The following HCAR1 variants were observed in gnomAD, a reference collection of about 807,000 sequenced individuals.
HCAR1 encodes G protein-coupled receptor 104.
For synonymous variants in HCAR1, 183 were observed against 182.1 expected, an observed-to-expected ratio of 1.01 and a Z score of -0.04; for missense variants, 445 against 448.7, an observed-to-expected ratio of 0.99 and a Z score of 0.07.
rs201612647 is a variant in HCAR1 at position 122,729,934 on chromosome 12, C to T, written c.406G>A (p.Val136Ile). The stretch of plus-strand genomic sequence containing the variant: ...ATGACCAGGGCCCACAGGGTGCAGA[C>T]GATGCCAGCCGCCACCCGGGTGGAG... ...TISTRVAAGIVCTLWALVILG... is the reference protein window; with the variant it reads ...TISTRVAAGIICTLWALVILG... Residue 136 changes from valine to isoleucine, a missense_variant, in exon 1 of 1, where the codon GTC becomes ATC. Val to Ile is a conservative substitution (Grantham distance 29). Coordinates refer to ENST00000432564, the MANE Select transcript of HCAR1 (RefSeq NM_032554.4). 58 of 1,613,042 alleles carry T rather than the reference C, an allele frequency of 3.6e-5. No homozygotes were observed. The highest frequency in any genetic ancestry group is 4.7e-5 in the Non-Finnish European group (55 of 1,179,452).
In HCAR1 at chr12:122,730,230, A is replaced by T. The variant is rs763385168; in HGVS notation, c.110T>A (p.Leu37Gln). ...CTTCATGTGGAAGCAGAAACCACAC[A>T]GGGCGACCCCATTGCCTAGTGCGCC... ...VLGALGNGVALCGFCFHMKTW... is the reference protein window; with the variant it reads ...VLGALGNGVAQCGFCFHMKTW... The change falls in exon 1 of 1, where the codon CTG becomes CAG. Residue 37 changes from leucine to glutamine, a missense_variant. Physicochemically the swap from Leu to Gln is moderately radical, Grantham distance 113. Transcript: ENST00000432564. The T allele has an allele frequency of 6.2e-7, 1 of 1,614,206 alleles. No homozygotes were observed. Among genetic ancestry groups the T allele is most frequent in the South Asian group, 1.1e-5 (1 of 91,080 alleles).
rs1877819042 is a variant in HCAR1 at position 122,727,334 on chromosome 12, G to A, written c.*1965C>T. ...CAGGCCTAGTAAATGCTTGAGCTGA[G>A]ATTCAAACTTCGATGCTTCTAATGC... On this transcript the variant is annotated 3_prime_UTR_variant, in exon 1 of 1. Transcript: ENST00000432564. The A allele has an allele frequency of 2.0e-5, 3 of 152,130 alleles. No homozygotes were observed. The allele number at this position is 152,130 out of a possible 1,614,324, so 9.4% of individuals were successfully genotyped here.
Position 122,730,058 on chromosome 12 carries a change from C to G in HCAR1, c.282G>C (p.Thr94=), listed in dbSNP as rs149892376. 1.3e-4 allele frequency: 210 copies of G among 1,614,084 alleles called. No individual in the cohort carries two copies. In the African/African-American group the frequency reaches 2.5e-3, roughly 19 times the overall value. The change falls in exon 1 of 1, where the codon ACG becomes ACC. Residue 94 remains threonine (T), a synonymous_variant. Coordinates refer to ENST00000432564, the MANE Select transcript of HCAR1 (RefSeq NM_032554.4). ...TGCTCCCGGCCCTGTTCATGGCCAA[C>G]GTGAAGAGCCCCACTCGGCAGGGAA... ...GDIPCRVGLF[T]LAMNRAGSIV... is the part of the protein sequence containing the mutation.
rs1184027518 is a variant in HCAR1, at chr12:122,729,468, T to C, written c.872A>G (p.Lys291Arg). 1.2e-6 allele frequency: 2 copies of C among 1,614,110 alleles called. No individual in the cohort carries two copies. The highest frequency in any genetic ancestry group is 1.1e-5 in the South Asian group (1 of 91,080). Residue 291 changes from lysine (K) to arginine (R), a missense_variant, in exon 1 of 1, where the codon AAG becomes AGG. By Grantham distance (26) the Lys-to-Arg change is conservative. Transcript: ENST00000432564. The part of the protein sequence containing the change: ...SSPSFPKFYN[K>R]LKICSLKPKQ... ...GGGTTTCAGACTGCAGATTTTGAGC[T>C]TGTTGTAGAATTTGGGAAAGGAGGG...
Position 122,730,168 on chromosome 12 carries a change from C to T in HCAR1, c.172G>A (p.Ala58Thr). 6.2e-7 allele frequency: 1 copy of T among 1,614,106 alleles called. No homozygotes were observed. The highest frequency in any genetic ancestry group is 1.6e-4 in the Middle Eastern group (1 of 6,062). The change falls in exon 1 of 1, where the codon GCC becomes ACC. Residue 58 changes from alanine (A) to threonine (T), a missense_variant. Ala to Thr is a moderately conservative substitution (Grantham distance 58). Coordinates refer to ENST00000432564, the MANE Select transcript of HCAR1 (RefSeq NM_032554.4). ...ATCATAAGGAGGAAATCAGCCACGG[C>T]CAAATTGAAAAGGTAAACAGTGCTG... is the stretch of plus-strand genomic sequence containing the variant. Reference protein sequence around the residue: ...KPSTVYLFNLAVADFLLMICL... With the variant: ...KPSTVYLFNLTVADFLLMICL...
Position 122,730,117 on chromosome 12 carries a change from A to G in HCAR1, c.223T>C (p.Tyr75His), listed in dbSNP as rs1877904414. 6.2e-7 allele frequency: 1 copy of G among 1,614,002 alleles called. No homozygotes were observed. Among genetic ancestry groups the G allele is most frequent in the African/African-American group, 1.3e-5 (1 of 74,908 alleles). Residue 75 changes from tyrosine to histidine, a missense_variant, in exon 1 of 1, where the codon TAC becomes CAC. Tyr to His is a moderately conservative substitution (Grantham distance 83, BLOSUM62 2). Transcript: ENST00000432564. ...MICLPFRTDY[Y>H]LRRRHWAFGD... ...AAAGCCCAGTGTCTACGTCTGAGGT[A>G]ATAGTCTGTCCGAAAAGGCAGGCAG...
Position 122,729,868 on chromosome 12 carries a change from C to A in HCAR1, c.472G>T (p.Val158Leu), listed in dbSNP as rs766065384. The change falls in exon 1 of 1, where the codon GTG (valine) becomes TTG (leucine). Residue 158 changes from valine to leucine, a missense_variant. Coordinates refer to ENST00000432564, the MANE Select transcript of HCAR1 (RefSeq NM_032554.4). The stretch of plus-strand genomic sequence containing the variant: ...TCACAGGAGACGGCCGTCTCTTGCA[C>A]GCAGAGATGGTTCTCCAGCAAAAGA... ...VYLLLENHLC[V>L]QETAVSCESF... 2.0e-5 allele frequency: 32 copies of A among 1,611,126 alleles called. No homozygotes were observed. In the East Asian group the frequency reaches 6.9e-4, roughly 35 times the overall value.
At position 122,729,156 on chromosome 12, in the gene HCAR1, CA is replaced by C; in HGVS notation, c.*142del. 6.9e-6 allele frequency: 5 copies of C among 719,452 alleles called. No homozygotes were observed. The South Asian group carries it at 7.5e-5, about 11-fold the overall frequency. The allele number at this position is 719,452 out of a possible 1,614,324, so 44.6% of individuals were successfully genotyped here. ...ATAGTTGTGTGAATTTCATTTCCGA[CA>C]GAATGAGAAGGATGCAGTTCATGTG... On this transcript the variant is annotated 3_prime_UTR_variant, in exon 1 of 1. Transcript: ENST00000432564.
chr12:122,729,465 A>C lies in HCAR1; in HGVS notation c.875T>G (p.Leu292Arg). The C allele has an allele frequency of 6.2e-7, 1 of 1,613,894 alleles. No individual in the cohort carries two copies. Among genetic ancestry groups the C allele is most frequent in the Non-Finnish European group, 8.5e-7 (1 of 1,180,012 alleles). Reference sequence around the variant, plus strand: ...CTTGGGTTTCAGACTGCAGATTTTGAGCTTGTTGTAGAATTTGGGAAAGGA... The same window carrying C: ...CTTGGGTTTCAGACTGCAGATTTTGCGCTTGTTGTAGAATTTGGGAAAGGA... ...SPSFPKFYNK[L>R]KICSLKPKQP... Residue 292 changes from leucine (L) to arginine (R), a missense_variant, in exon 1 of 1, where the codon CTC (leucine) becomes CGC (arginine). Transcript: ENST00000432564.
chr12:122,729,112 T>C lies in HCAR1; in HGVS notation c.*187A>G. On this transcript the variant is annotated 3_prime_UTR_variant, in exon 1 of 1. Coordinates refer to ENST00000432564, the MANE Select transcript of HCAR1 (RefSeq NM_032554.4). Reference sequence around the variant, plus strand: ...ATGCAGCCAACTCACTTCAATCAACTGGAACCTCCCCAAAAGGTATAGTTG... The same window carrying C: ...ATGCAGCCAACTCACTTCAATCAACCGGAACCTCCCCAAAAGGTATAGTTG... 1 of 618,304 alleles carries C rather than the reference T, an allele frequency of 1.6e-6. No individual in the cohort carries two copies. Among genetic ancestry groups the C allele is most frequent in the Non-Finnish European group, 2.8e-6 (1 of 354,206 alleles). 38.3% of individuals were successfully genotyped at this position (618,304 alleles called of 1,614,324 possible).
rs2135497473 is a variant in HCAR1 at position 122,728,358 on chromosome 12, ATTGTT to A, written c.*936_*940del. 6.6e-6 allele frequency: 1 copy of A among 152,318 alleles called. No homozygotes were observed. Among genetic ancestry groups the A allele is most frequent in the African/African-American group, 2.4e-5 (1 of 41,572 alleles). The allele number at this position is 152,318 out of a possible 1,614,324, so 9.4% of individuals were successfully genotyped here. A position where few individuals can be genotyped will look rare whatever the true frequency, so the allele number is the denominator to read the frequency against. ...AAAGATTTGAAGAAGGTCAGAGCAG[ATTGTT>A]TTGTTGTTGTTCTTCTTGGGCTACC... is the stretch of plus-strand genomic sequence containing the variant. On this transcript the variant is annotated 3_prime_UTR_variant, in exon 1 of 1. Transcript: ENST00000432564.
Position 122,729,460 on chromosome 12 carries a change from T to C in HCAR1, c.880A>G (p.Ile294Val), listed in dbSNP as rs1877875849. 2 of 1,613,880 alleles carry C rather than the reference T, an allele frequency of 1.2e-6. No individual in the cohort carries two copies. The highest frequency in any genetic ancestry group is 1.7e-6 in the Non-Finnish European group (2 of 1,180,024). The change falls in exon 1 of 1, where the codon ATC becomes GTC. Residue 294 changes from isoleucine to valine, a missense_variant. Physicochemically the swap from Ile to Val is conservative, Grantham distance 29. Transcript: ENST00000432564. ...GGCTGCTTGGGTTTCAGACTGCAGA[T>C]TTTGAGCTTGTTGTAGAATTTGGGA... ...SFPKFYNKLK[I>V]CSLKPKQPGH...
rs1877821356 is a variant in HCAR1 at position 122,727,435 on chromosome 12, G to A, written c.*1864C>T. The A allele has an allele frequency of 6.6e-6, 1 of 151,850 alleles. No individual in the cohort carries two copies. Among genetic ancestry groups the A allele is most frequent in the African/African-American group, 2.4e-5 (1 of 41,316 alleles). 9.4% of individuals were successfully genotyped at this position (151,850 alleles called of 1,614,324 possible). A position where few individuals can be genotyped will look rare whatever the true frequency, so the allele number is the denominator to read the frequency against. ...GGAATAATAGGGACAGCCTAGAGGG[G>A]TGTTTTGAGGCCAAAGAACTAGAAG... On this transcript the variant is annotated 3_prime_UTR_variant, in exon 1 of 1. Coordinates refer to ENST00000432564, the MANE Select transcript of HCAR1 (RefSeq NM_032554.4).
chr12:122,729,381 C>A lies in HCAR1; in HGVS notation c.959G>T (p.Arg320Leu). The A allele has an allele frequency of 6.2e-7, 1 of 1,614,152 alleles. No individual in the cohort carries two copies. The highest frequency in any genetic ancestry group is 1.7e-5 in the Admixed American group (1 of 60,012). ...PEEMPISNLG[R>L]RSCISVANSF... is the part of the protein sequence containing the mutation. ...ATTTGCCACACTGATGCAACTCCTG[C>A]GACCGAGGTTCGAAATTGGCATCTC... The change falls in exon 1 of 1, where the codon CGC becomes CTC. Residue 320 changes from arginine to leucine, a missense_variant. Transcript: ENST00000432564.
In HCAR1 at chr12:122,726,922, A is replaced by ATATAT. The variant is rs1205275642; in HGVS notation, c.*2376_*2377insATATA. On this transcript the variant is annotated 3_prime_UTR_variant, in exon 1 of 1. Transcript: ENST00000432564. ...AGCAAGACTCTGTCTCAAAAAAAAA[A>ATATAT]AAAAAAATATATATATATATAGATA... The ATATAT allele has an allele frequency of 1.1e-5, 1 of 90,924 alleles. No individual in the cohort carries two copies. The highest frequency in any genetic ancestry group is 5.2e-5 in the African/African-American group (1 of 19,352). The allele number at this position is 90,924 out of a possible 1,614,324, so 5.6% of individuals were successfully genotyped here.
Position 122,727,531 on chromosome 12 carries a change from G to A in HCAR1, c.*1768C>T, listed in dbSNP as rs548671265. On this transcript the variant is annotated 3_prime_UTR_variant, in exon 1 of 1. Coordinates refer to ENST00000432564, the MANE Select transcript of HCAR1 (RefSeq NM_032554.4). Reference sequence around the variant, plus strand: ...GGCCCAGTCTGGAGTGCAATGGCACGATGTCACCTCACCGCAACCTCCACC... The same window carrying A: ...GGCCCAGTCTGGAGTGCAATGGCACAATGTCACCTCACCGCAACCTCCACC... 2 of 151,790 alleles carry A rather than the reference G, an allele frequency of 1.3e-5. No individual in the cohort carries two copies. Among genetic ancestry groups the A allele is most frequent in the Non-Finnish European group, 2.9e-5 (2 of 68,000 alleles). The allele number at this position is 151,790 out of a possible 1,614,324, so 9.4% of individuals were successfully genotyped here. A position where few individuals can be genotyped will look rare whatever the true frequency, so the allele number is the denominator to read the frequency against.
Position 122,729,746 on chromosome 12 carries a change from C to T in HCAR1, c.594G>A (p.Lys198=). ...GCCTCCGCCTCAGGCTCCAAACAAT[C>T]TTGAAGGAGCAAAATAAGATGATGC... The part of the protein sequence containing the change: ...PLGIILFCSF[K]IVWSLRRRQQ... Residue 198 remains lysine, a synonymous_variant, in exon 1 of 1, where the codon AAG becomes AAA. Transcript: ENST00000432564. 1.2e-6 allele frequency: 2 copies of T among 1,613,158 alleles called. No homozygotes were observed.
At position 122,729,079 on chromosome 12, in the gene HCAR1, A is replaced by C; in HGVS notation, c.*220T>G. 1.7e-6 allele frequency: 1 copy of C among 582,896 alleles called. No homozygotes were observed. The highest frequency in any genetic ancestry group is 3.1e-6 in the Non-Finnish European group (1 of 327,652). 36.1% of individuals were successfully genotyped at this position (582,896 alleles called of 1,614,324 possible). On this transcript the variant is annotated 3_prime_UTR_variant, in exon 1 of 1. Transcript: ENST00000432564. The stretch of plus-strand genomic sequence containing the variant: ...TTCTGTCCCCTGCCATTGTGATCAG[A>C]TAAGAAAATGCAGCCAACTCACTTC...
At position 122,726,424 on chromosome 12, in the gene HCAR1, A is replaced by G. The variant is rs964831682; in HGVS notation, c.*2875T>C. The G allele has an allele frequency of 2.0e-5, 3 of 152,242 alleles. No individual in the cohort carries two copies. Among genetic ancestry groups the G allele is most frequent in the African/African-American group, 7.2e-5 (3 of 41,464 alleles). 9.4% of individuals were successfully genotyped at this position (152,242 alleles called of 1,614,324 possible). ...CTTAATGCTTTACATGCACTTAATC[A>G]TTCATTCAACAAACATTTACTGAGC... On this transcript the variant is annotated 3_prime_UTR_variant, in exon 1 of 1. Coordinates refer to ENST00000432564, the MANE Select transcript of HCAR1 (RefSeq NM_032554.4).
Sources: allele counts gnomAD v4.1 joint callset, GRCh38; gene constraint gnomAD v4.1.1; transcripts MANE v1.5; gene names NCBI Gene and HGNC (gene_info 2026-07-23, HGNC 2026-07-21).